CPNE4: variants seen among roughly 807,000 people sequenced by gnomAD.
CPNE4 encodes the protein copine-4.
A neutral mutation model predicts 67.9 loss-of-function variants in CPNE4; 25 were observed. The observed-to-expected ratio is 0.37, with a 90% confidence interval of 0.27 to 0.51. The LOEUF (loss-of-function observed/expected upper bound fraction) is 0.51, where lower values mean the gene tolerates loss of function less well. Ranked by LOEUF, CPNE4 falls within the 20% of genes least tolerant of loss-of-function variation. The pLI is 0.93. For missense variants in CPNE4, 464 were observed against 690.8 expected (o/e 0.67, Z 3.68); for synonymous variants, 242 against 244.9 (o/e 0.99, Z 0.11).
intron 1 of CPNE4, among the ~76,000 whole-genome samples, chr3:131,987,387 A>ATT (rs552601179): frequency 0.045 from 6,407 of 143,662 alleles, 243 homozygotes; most frequent in Middle Eastern, 0.099. Flanking sequence ...AGTTGTACAG[A>ATT]TTTTTTTTTT....
chr3:131,841,773 G>A (rs2085792370), intron 2 of CPNE4, among the ~76,000 whole-genome samples: 1 of 152,220 alleles, frequency 6.6e-6, no homozygotes, highest in Non-Finnish European at 1.5e-5. Context: ...AGCTGGGAGT[G>A]CAGTTAGCAA....
intron 7 of CPNE4, among the ~76,000 whole-genome samples, chr3:131,593,744 G>C: frequency 6.6e-6 from 1 of 152,048 alleles, no homozygotes; most frequent in East Asian, 1.9e-4. Flanking sequence ...ATGGAGTCCT[G>C]CTCTTTTGCC....
chr3:132,031,480 A>G (rs2074233512), intron 1 of CPNE4, among the ~76,000 whole-genome samples: 1 of 152,210 alleles, frequency 6.6e-6, no homozygotes, highest in Non-Finnish European at 1.5e-5. Flanking sequence ...ATTTTTCCCA[A>G]CTAGTGTAGA....
chr3:131,807,464 C>T (rs1259461957), intron 2 of CPNE4, among the ~76,000 whole-genome samples: 2 of 152,148 alleles, frequency 1.3e-5, no homozygotes, highest in African/African-American at 2.4e-5. Flanking sequence ...ACAGTGTATG[C>T]ATGAACTAGG....
intron 3 of CPNE4, among the ~76,000 whole-genome samples, chr3:131,713,139 G>A (rs1024064997): frequency 1.3e-5 from 2 of 149,416 alleles, no homozygotes; most frequent in African/African-American, 4.9e-5. Flanking sequence ...TTTTTTTTTA[G>A]CATTGATACA....
At chr3:131,538,069 G>GCATA (rs1051151885) in intron 15 of CPNE4, among the ~76,000 whole-genome samples, 1 of 152,166 alleles carries the variant, frequency 6.6e-6, no homozygotes, top group African/African-American at 2.4e-5. Flanking sequence ...GTTTCCTGGG[G>GCATA]CATAATGTTA....
rs1230857208 is a variant in CPNE4, at chr3:132,026,015, T to C, written c.-2+8552A>G. Among the ~76,000 whole-genome samples, 3 of 152,250 alleles carry C rather than the reference T, an allele frequency of 2.0e-5. No homozygotes were observed. In the East Asian group the frequency reaches 5.8e-4, roughly 29 times the overall value. On this transcript the variant is annotated intron_variant, in intron 1 of 15. Transcript: ENST00000429747. ...TCATGAAGTACAATATATGTTGTATTACAGATACAACTATGTGCAGTAGTA... is the reference window on the plus strand; with the variant it reads ...TCATGAAGTACAATATATGTTGTATCACAGATACAACTATGTGCAGTAGTA...
chr3:131,778,770 A>G (rs527594119), intron 2 of CPNE4, among the ~76,000 whole-genome samples: 1 of 152,222 alleles, frequency 6.6e-6, no homozygotes, highest in South Asian at 2.1e-4. Flanking sequence ...TCGCAGTTAC[A>G]GAACTGTAGG....
intron 1 of CPNE4, among the ~76,000 whole-genome samples, chr3:132,018,911 C>G (rs535918576): frequency 8.5e-5 from 13 of 152,106 alleles, no homozygotes; most frequent in African/African-American, 2.7e-4. Context: ...TCGATTGCTA[C>G]AGAATAAAAT....
chr3:131,729,637 A>T (rs1391789680), intron 2 of CPNE4, among the ~76,000 whole-genome samples: 1 of 152,204 alleles, frequency 6.6e-6, no homozygotes, highest in Non-Finnish European at 1.5e-5. Context: ...TGGATTTTCT[A>T]CTTTGTTAGG....
chr3:131,709,305 T>C (rs564997292), intron 3 of CPNE4, among the ~76,000 whole-genome samples: 7 of 152,076 alleles, frequency 4.6e-5, no homozygotes, highest in Non-Finnish European at 8.8e-5. Context: ...TGACGTCATG[T>C]GGGAGAATTT....
At position 131,542,594 on chromosome 3, in the gene CPNE4, T is replaced by A; in HGVS notation, c.1502A>T (p.Asp501Val). The A allele has an allele frequency of 6.2e-7, 1 of 1,614,066 alleles. No homozygotes were observed. The highest frequency in any genetic ancestry group is 8.5e-7 in the Non-Finnish European group (1 of 1,179,952). ...RSPKGEPVLR[D>V]IVQFVPFRNF... ...CCTGAAGGGCACGAACTGGACGATGTCTCGAAGAACAGGCTCTCCCTTGGG... is the reference window on the plus strand; with the variant it reads ...CCTGAAGGGCACGAACTGGACGATGACTCGAAGAACAGGCTCTCCCTTGGG... Residue 501 changes from aspartate to valine, a missense_variant, in exon 15 of 16, where the codon GAC (aspartate) becomes GTC (valine). By Grantham distance (152) the Asp-to-Val change is radical. Around this residue, in one of 6 missense-constraint regions of CPNE4, gnomAD observed 201 missense variants for 357.7 expected, o/e 0.56. Coordinates refer to ENST00000429747, the MANE Select transcript of CPNE4 (RefSeq NM_130808.3).
intron 6 of CPNE4, among the ~76,000 whole-genome samples, chr3:131,678,216 C>A (rs1301849331): frequency 6.6e-6 from 1 of 151,948 alleles, no homozygotes; most frequent in African/African-American, 2.4e-5. Flanking sequence ...GGAGTTCATT[C>A]ATGATTTGGC....
chr3:131,569,675 GAAGAAAGGAAGA>G (rs1016794647), intron 10 of CPNE4, among the ~76,000 whole-genome samples: 2 of 148,352 alleles, frequency 1.3e-5, no homozygotes, highest in Non-Finnish European at 3.0e-5. Flanking sequence ...AAAAAAAAAA[GAAGAAAGGAAGA>G]AAGAAAGAAA....
chr3:131,757,950 G>A (rs1397746181), intron 2 of CPNE4, among the ~76,000 whole-genome samples: 3 of 152,194 alleles, frequency 2.0e-5, no homozygotes, highest in African/African-American at 7.2e-5. Flanking sequence ...GTCAAGAACT[G>A]AGGTTTGGGA....
At chr3:131,584,211 C>T (rs182243261) in intron 8 of CPNE4, among the ~76,000 whole-genome samples, 1 of 152,188 alleles carries the variant, frequency 6.6e-6, no homozygotes, top group African/African-American at 2.4e-5. Context: ...TCTTCAGTCC[C>T]CTCTCCCTAG....
At chr3:131,972,245 C>T (rs541827217) in intron 1 of CPNE4, among the ~76,000 whole-genome samples, 43 of 152,292 alleles carry the variant, frequency 2.8e-4, no homozygotes, top group African/African-American at 5.8e-4. Context: ...ACTCCCTTGG[C>T]GCACAAAGGT....
chr3:131,710,127 T>G (rs764181293), intron 3 of CPNE4, among the ~76,000 whole-genome samples: 2 of 152,234 alleles, frequency 1.3e-5, no homozygotes, highest in African/African-American at 2.4e-5. Flanking sequence ...CATATATATT[T>G]ATTTGAATAA....
intron 7 of CPNE4, among the ~76,000 whole-genome samples, chr3:131,623,870 T>G (rs1940600630): frequency 6.6e-6 from 1 of 152,236 alleles, no homozygotes; most frequent in Admixed American, 6.5e-5. Context: ...GTTCTAAATC[T>G]GCTTGTTGGG....
Sources: gnomAD v4.1 joint callset for allele counts (sites outside exome capture counted in the v4.1 genomes callset) on GRCh38, gnomAD v4.1.1 for gene constraint, gnomAD v4.1.1 regional missense constraint, MANE v1.5 for transcripts, NCBI Gene and HGNC (gene_info 2026-07-23, HGNC 2026-07-21) for gene names.